CRACDL: variants seen among roughly 807,000 people sequenced by gnomAD.
The protein encoded by CRACDL is CRACD like, also known as CRACD-like protein.
Under a neutral mutation model 70.6 loss-of-function variants are expected in CRACDL, and 26 were observed. The observed-to-expected ratio is 0.37, with a 90% CI of 0.27 to 0.51. The LOEUF (loss-of-function observed/expected upper bound fraction) is 0.51, where lower values mean the gene tolerates loss of function less well. Among genes scored for constraint, CRACDL ranks in the 20% least tolerant of loss-of-function variants. The pLI, the probability that CRACDL is intolerant of heterozygous loss-of-function variation, is 0.94. For synonymous variants in CRACDL, 618 were observed against 615.2 expected, an observed-to-expected ratio of 1.00 and a Z score of -0.07; for missense variants, 1,283 against 1,376.9, an observed-to-expected ratio of 0.93 and a Z score of 1.08.
At chr2:98,865,230 T>C (rs1160106473) in intron 1 of CRACDL, among the ~76,000 whole-genome samples, 1 of 152,090 alleles carries the variant, frequency 6.6e-6, no homozygotes, top group Non-Finnish European at 1.5e-5. Flanking sequence ...TTGAACTTGA[T>C]GTTCCCTGCA....
At chr2:98,905,747 A>T (rs1196555633) in intron 1 of CRACDL, among the ~76,000 whole-genome samples, 1 of 151,512 alleles carries the variant, frequency 6.6e-6, no homozygotes, top group East Asian at 2.0e-4. Flanking sequence ...CCTCCCGAGT[A>T]GCTGGGATAA....
At position 98,823,471 on chromosome 2, in the gene CRACDL, G is replaced by T; in HGVS notation, c.802C>A (p.Pro268Thr). 1 of 1,594,842 alleles carries T rather than the reference G, an allele frequency of 6.3e-7. No individual in the cohort carries two copies. The highest frequency in any genetic ancestry group is 1.7e-5 in the Admixed American group (1 of 59,636). ...TCTTCTGGGCTGACTTCCAAAAGTGGCTTCTCCTCGTTTTCCTCCTCCTCT... is the reference window on the plus strand; with the variant it reads ...TCTTCTGGGCTGACTTCCAAAAGTGTCTTCTCCTCGTTTTCCTCCTCCTCT... ...TPEEEENEEK[P>T]LLEVSPEERP... The change falls in exon 7 of 10, where the codon CCA (proline) becomes ACA (threonine). Residue 268 changes from proline to threonine, a missense_variant. Pro to Thr is a conservative substitution (Grantham distance 38). This residue lies in a region of CRACDL where 362 missense variants were observed against 495.0 expected (regional missense o/e 0.73). Transcript: ENST00000397899. This position sits in a 1 kb window ranked among gnomAD's most constrained non-coding sequence, Gnocchi z 4.0.
At chr2:98,889,340 AAAG>A (rs1707902064) in intron 1 of CRACDL, among the ~76,000 whole-genome samples, 1 of 128,088 alleles carries the variant, frequency 7.8e-6, no homozygotes, top group Non-Finnish European at 1.7e-5. Context: ...AGAAAGAAAG[AAAG>A]GAAACAGTAA....
chr2:98,848,408 A>G (rs559214374), intron 1 of CRACDL, among the ~76,000 whole-genome samples: 2 of 152,250 alleles, frequency 1.3e-5, no homozygotes, highest in South Asian at 2.1e-4. Flanking sequence ...GAAGGAAAAC[A>G]TACGGTGTAA....
At chr2:98,885,135 G>C (rs756832140) in intron 1 of CRACDL, among the ~76,000 whole-genome samples, 13 of 152,168 alleles carry the variant, frequency 8.5e-5, no homozygotes, top group Non-Finnish European at 1.9e-4. Flanking sequence ...AGAAGAAGTC[G>C]AAGCTCAAAT....
intron 1 of CRACDL, among the ~76,000 whole-genome samples, chr2:98,901,972 G>A (rs1055096041): frequency 1.3e-5 from 2 of 152,164 alleles, no homozygotes; most frequent in Admixed American, 6.5e-5. Flanking sequence ...GCGCAATGAA[G>A]TCTGGACACC....
At chr2:98,921,174 C>T (rs1205046800) in intron 1 of CRACDL, among the ~76,000 whole-genome samples, 7 of 152,206 alleles carry the variant, frequency 4.6e-5, no homozygotes, top group East Asian at 1.9e-4. Flanking sequence ...ATGGCCCAGA[C>T]GTGCTCAGGC....
intron 7 of CRACDL, among the ~76,000 whole-genome samples, chr2:98,813,883 T>TTC (rs1704674253): frequency 1.3e-5 from 2 of 152,240 alleles, no homozygotes; most frequent in East Asian, 3.8e-4. Context: ...TTTGATCACT[T>TTC]TAACAGATAC....
rs1460969390 is a variant in CRACDL, at chr2:98,821,928, G to A, written c.2345C>T (p.Ala782Val). The A allele has an allele frequency of 1.3e-6, 2 of 1,575,578 alleles. No individual in the cohort carries two copies. Reference protein sequence around the residue: ...TLPHQPAPPDAGPGEREPRKE... With the variant: ...TLPHQPAPPDVGPGEREPRKE... Reference sequence around the variant, plus strand: ...CCTGGGTTCCCGCTCTCCCGGGCCGGCGTCGGGGGGCGCGGGCTGGTGCGG... The same window carrying A: ...CCTGGGTTCCCGCTCTCCCGGGCCGACGTCGGGGGGCGCGGGCTGGTGCGG... The change falls in exon 7 of 10, where the codon GCC (alanine) becomes GTC (valine). Residue 782 changes from alanine to valine, a missense_variant. Physicochemically the swap from Ala to Val is moderately conservative, Grantham distance 64. Transcript: ENST00000397899.
intron 1 of CRACDL, among the ~76,000 whole-genome samples, chr2:98,863,062 A>G (rs1181812745): frequency 6.6e-6 from 1 of 152,126 alleles, no homozygotes; most frequent in Admixed American, 6.5e-5. Flanking sequence ...AGCTCAATGA[A>G]ATCCAAGTAG....
intron 1 of CRACDL, among the ~76,000 whole-genome samples, chr2:98,922,652 A>G (rs537155705): frequency 2.6e-5 from 4 of 152,114 alleles, no homozygotes; most frequent in Admixed American, 2.6e-4. Context: ...TGCAGCTCCA[A>G]TTAGCTTGAC....
At chr2:98,887,375 C>A (rs1343703102) in intron 1 of CRACDL, among the ~76,000 whole-genome samples, 1 of 152,050 alleles carries the variant, frequency 6.6e-6, no homozygotes, top group South Asian at 2.1e-4. Flanking sequence ...GTAGTCCCAA[C>A]TACTCAGGAG....
chr2:98,819,701 A>C (rs1704942172), intron 7 of CRACDL, among the ~76,000 whole-genome samples: 1 of 151,998 alleles, frequency 6.6e-6, no homozygotes, highest in African/African-American at 2.4e-5. Flanking sequence ...TGTATGAGCT[A>C]ATTTTCTTCC....
rs754085681 is a variant in CRACDL at position 98,822,562 on chromosome 2, C to A, written c.1711G>T (p.Ala571Ser). ...AERGGAELRG[A>S]KKFSVSSCRA... ...CACGAGGACACCGAGAACTTCTTCGCGCCTCGCAGCTCGGCACCGCCCCTC... is the reference window on the plus strand; with the variant it reads ...CACGAGGACACCGAGAACTTCTTCGAGCCTCGCAGCTCGGCACCGCCCCTC... Residue 571 changes from alanine to serine, a missense_variant, in exon 7 of 10, where the codon GCG becomes TCG. Transcript: ENST00000397899. This position sits in a 1 kb window ranked among gnomAD's most constrained non-coding sequence, Gnocchi z 4.9. 1.4e-6 allele frequency: 2 copies of A among 1,464,126 alleles called. No individual in the cohort carries two copies. The highest frequency in any genetic ancestry group is 3.0e-5 in the African/African-American group (2 of 67,716). 90.7% of individuals were successfully genotyped at this position (1,464,126 alleles called of 1,614,324 possible).
At chr2:98,816,415 A>C (rs1462842996) in intron 7 of CRACDL, among the ~76,000 whole-genome samples, 1 of 152,186 alleles carries the variant, frequency 6.6e-6, no homozygotes, top group East Asian at 1.9e-4. Flanking sequence ...GTTCATATAA[A>C]GATATCTGTA....
chr2:98,820,673 G>T (rs909964676), intron 7 of CRACDL, among the ~76,000 whole-genome samples: 13 of 152,198 alleles, frequency 8.5e-5, no homozygotes, highest in African/African-American at 2.9e-4. Context: ...ACAGAGAAAG[G>T]TCATCTACTT....
intron 7 of CRACDL, among the ~76,000 whole-genome samples, chr2:98,817,947 TAGA>T (rs778855093): frequency 6.6e-6 from 1 of 152,154 alleles, no homozygotes; most frequent in Non-Finnish European, 1.5e-5. Flanking sequence ...CAAGACAGAC[TAGA>T]AGGAGAGCTG....
chr2:98,824,952 G>A (rs565430828), intron 6 of CRACDL, among the ~76,000 whole-genome samples: 1 of 152,180 alleles, frequency 6.6e-6, no homozygotes, highest in South Asian at 2.1e-4. Context: ...TGCTGATGTT[G>A]AAACCTCTTT....
At chr2:98,897,830 C>CA (rs530412267) in intron 1 of CRACDL, among the ~76,000 whole-genome samples, 184 of 152,332 alleles carry the variant, frequency 1.2e-3, no homozygotes, top group African/African-American at 4.2e-3. Flanking sequence ...GTACTAAAAA[C>CA]AGAGACAGGG....
Sources: gnomAD v4.1 joint callset for allele counts (sites outside exome capture counted in the v4.1 genomes callset) on GRCh38, gnomAD v4.1.1 for gene constraint, gnomAD v4.1.1 regional missense constraint, Gnocchi (gnomAD v3.1) non-coding constraint, MANE v1.5 for transcripts, NCBI Gene and HGNC (gene_info 2026-07-23, HGNC 2026-07-21) for gene names.